TNRC6B: variants seen among roughly 807,000 people sequenced by gnomAD.
TNRC6B encodes the protein trinucleotide repeat containing adaptor 6B, also known as trinucleotide repeat-containing gene 6B protein.
In TNRC6B, 52 loss-of-function variants were observed where a neutral mutation model predicts 203.6. The ratio of observed to expected loss-of-function variants is 0.26; its 90% CI spans 0.20 to 0.32. The LOEUF is 0.32. TNRC6B is among the 10% of genes least tolerant of loss of function. The probability of loss-of-function intolerance (pLI) is 1.00; values close to 1 mark genes in which losing one functional copy is unlikely to be tolerated. For missense variants in TNRC6B, 1,923 were observed against 2,286.2 expected, an observed-to-expected ratio of 0.84 and a Z score of 3.24; for synonymous variants, 838 against 845.7, an observed-to-expected ratio of 0.99 and a Z score of 0.16.
upstream of TNRC6B, chr22:40,177,921 C>A (rs1053566982): frequency 7.4e-6 from 10 of 1,347,620 alleles, no homozygotes; most frequent in Non-Finnish European, 8.5e-6. Flanking sequence ...AAGCTGCTTC[C>A]TTTAGAGACA....
At chr22:40,310,030 T>C (rs2071152702) in intron 16 of TNRC6B, among the ~76,000 whole-genome samples, 2 of 152,204 alleles carry the variant, frequency 1.3e-5, no homozygotes, top group African/African-American at 4.8e-5. Flanking sequence ...GGTATCTCAC[T>C]GATACCTAAA....
At chr22:40,109,070 A>G (rs771548179) in intron 1 of TNRC6B, among the ~76,000 whole-genome samples, 2 of 152,110 alleles carry the variant, frequency 1.3e-5, no homozygotes, top group African/African-American at 2.4e-5. Context: ...TGCTGAGGAT[A>G]ATGGCTTCCA....
intron 1 of TNRC6B, among the ~76,000 whole-genome samples, chr22:40,086,595 A>C (rs2068101314): frequency 1.3e-5 from 2 of 152,210 alleles, no homozygotes. Context: ...ATATGGAGGC[A>C]CATTTGGATG....
chr22:40,187,698 G>A (rs1308373392), intron 1 of TNRC6B, among the ~76,000 whole-genome samples: 1 of 152,114 alleles, frequency 6.6e-6, no homozygotes, highest in Non-Finnish European at 1.5e-5. Flanking sequence ...ATTATGTTGT[G>A]CTTGTCTCTC....
At position 40,265,399 on chromosome 22, in the gene TNRC6B, A is replaced by G; in HGVS notation, c.1169A>G (p.Glu390Gly). Residue 390 changes from glutamate (E) to glycine (G), a missense_variant, in exon 5 of 23, where the codon GAG becomes GGG. By Grantham distance (98) the Glu-to-Gly change is moderately conservative. Transcript: ENST00000454349. ...AACTTAAGTTCACCAAACCCCATGG[A>G]GAATAAGGGAATGCCCTTTGGAATG... ...SLNLSSPNPM[E>G]NKGMPFGMGL... 2 of 1,613,990 alleles carry G rather than the reference A, an allele frequency of 1.2e-6. No individual in the cohort carries two copies. The highest frequency in any genetic ancestry group is 1.7e-6 in the Non-Finnish European group (2 of 1,179,884).
intron 15 of TNRC6B, among the ~76,000 whole-genome samples, chr22:40,308,167 G>A (rs371652279): frequency 5.9e-5 from 9 of 152,266 alleles, no homozygotes; most frequent in East Asian, 1.9e-4. Flanking sequence ...CTGCTGTTGC[G>A]CTACATTGGC....
chr22:40,318,426 A>G (rs556318119), intron 21 of TNRC6B, among the ~76,000 whole-genome samples: 1 of 152,166 alleles, frequency 6.6e-6, no homozygotes, highest in South Asian at 2.1e-4. Context: ...GAGCACCTGT[A>G]GTCCCAGCTA....
chr22:40,231,889 A>G (rs987897677), intron 1 of TNRC6B, among the ~76,000 whole-genome samples: 11 of 152,208 alleles, frequency 7.2e-5, no homozygotes, highest in Middle Eastern at 3.2e-3. Flanking sequence ...TCTTTTTGCA[A>G]CTGTTTCTAG....
intron 4 of TNRC6B, among the ~76,000 whole-genome samples, chr22:40,158,340 CAATAAATAAATA>C (rs144615900): frequency 0.023 from 3,174 of 139,146 alleles, 81 homozygotes; most frequent in African/African-American, 0.063. Context: ...ACTCCATCTT[CAATAAATAAATA>C]AATAAATAAA....
chr22:40,144,674 C>T (rs1035521435), intron 3 of TNRC6B, among the ~76,000 whole-genome samples: 3 of 97,852 alleles, frequency 3.1e-5, no homozygotes, highest in African/African-American at 6.1e-5. Flanking sequence ...GACTCCGTCT[C>T]GGAAAAAAAA....
At chr22:40,228,776 G>C (rs986984226) in intron 1 of TNRC6B, among the ~76,000 whole-genome samples, 2 of 151,730 alleles carry the variant, frequency 1.3e-5, no homozygotes, top group Non-Finnish European at 2.9e-5. Context: ...CACCCACCTC[G>C]GCCTCCCAAA....
intron 4 of TNRC6B, among the ~76,000 whole-genome samples, chr22:40,165,962 T>TG (rs1354514312): frequency 2.2e-5 from 3 of 135,780 alleles, no homozygotes; most frequent in African/African-American, 9.5e-5. Flanking sequence ...TTGGGTGGTT[T>TG]TTTTTGTTGT....
rs1342568150 is a variant in TNRC6B, at chr22:40,281,164, G to A, written c.3457G>A (p.Ala1153Thr). ...SNQDGCLGDE[A>T]PCSPFSPSPS... ...TCAAGATGGGTGCCTTGGGGATGAG[G>A]CTCCCTGCTCTCCCTTCTCCCCTTC... Residue 1153 changes from alanine (A) to threonine (T), a missense_variant, in exon 11 of 23, where the codon GCT (alanine) becomes ACT (threonine). Physicochemically the swap from Ala to Thr is moderately conservative, Grantham distance 58. Transcript: ENST00000454349. 1.9e-6 allele frequency: 3 copies of A among 1,550,706 alleles called. No homozygotes were observed. The highest frequency in any genetic ancestry group is 2.7e-5 in the African/African-American group (2 of 72,978).
chr22:40,254,395 G>A (rs1271125877), intron 3 of TNRC6B, among the ~76,000 whole-genome samples: 1 of 152,132 alleles, frequency 6.6e-6, no homozygotes, highest in Admixed American at 6.5e-5. Flanking sequence ...TGGCACAGGC[G>A]TGTAATCCCA....
chr22:40,318,680 T>G (rs1449129054), intron 21 of TNRC6B, among the ~76,000 whole-genome samples: 1 of 152,094 alleles, frequency 6.6e-6, no homozygotes, highest in Non-Finnish European at 1.5e-5. Context: ...TCACACAATG[T>G]GATTATGTTA....
chr22:40,220,902 G>A (rs1359752416), intron 1 of TNRC6B, among the ~76,000 whole-genome samples: 1 of 152,196 alleles, frequency 6.6e-6, no homozygotes, highest in Non-Finnish European at 1.5e-5. Flanking sequence ...GTCCCATGAA[G>A]TAAGGGAAAA....
In TNRC6B at chr22:40,065,296, A is replaced by G. The variant is rs372063783; in HGVS notation, c.-121+20298A>G. 1.4e-4 allele frequency among the ~76,000 whole-genome samples: 21 copies of G among 151,976 alleles called. 2 individuals are homozygous for G. The highest frequency in any genetic ancestry group is 9.8e-4 in the Admixed American group (15 of 15,264). ...TGAGTAGCTAAGACTACAGGTGTGT[A>G]CCACCACACCCAGCTAATTATTTTG... is the stretch of plus-strand genomic sequence containing the variant. On this transcript the variant is annotated intron_variant, in intron 1 of 23. Transcript: ENST00000301923.
chr22:40,320,114 A>G (rs2071315229), intron 21 of TNRC6B, among the ~76,000 whole-genome samples: 1 of 152,190 alleles, frequency 6.6e-6, no homozygotes, highest in Admixed American at 6.5e-5. Flanking sequence ...CAGCTTTTTA[A>G]TCTATTCAAT....
intron 1 of TNRC6B, among the ~76,000 whole-genome samples, chr22:40,073,451 C>A (rs1438256975): frequency 6.6e-6 from 1 of 151,926 alleles, no homozygotes; most frequent in Non-Finnish European, 1.5e-5. Flanking sequence ...TTATGGCAAG[C>A]TTTGGCTGGT....
Sources: gnomAD v4.1 joint callset for allele counts (sites outside exome capture counted in the v4.1 genomes callset) on GRCh38, gnomAD v4.1.1 for gene constraint, MANE v1.5 for transcripts, NCBI Gene and HGNC (gene_info 2026-07-23, HGNC 2026-07-21) for gene names.